The following PCDH11Y variants were observed in gnomAD, a reference collection of about 807,000 sequenced individuals.
PCDH11Y encodes the protein protocadherin 11 Y-linked.
For synonymous variants in PCDH11Y, 9 were observed against 83.6 expected, an observed-to-expected ratio of 0.11 and a Z score of 4.87; for missense variants, 12 against 224.8, an observed-to-expected ratio of 0.05 and a Z score of 6.05.
chrY:5,305,670 G>A, intron 2 of PCDH11Y, among the ~76,000 whole-genome samples: 2 of 32,715 alleles, frequency 6.1e-5, no homozygotes, highest in Non-Finnish European at 1.5e-4. Context: ...GCATACTTTG[G>A]AGCAGTGTGT....
chrY:5,694,142 C>T, intron 4 of PCDH11Y, among the ~76,000 whole-genome samples: 1 of 32,453 alleles, frequency 3.1e-5, no homozygotes, highest in African/African-American at 1.2e-4. Flanking sequence ...CTCAAACATA[C>T]GGTAATGCTA....
At chrY:5,670,387 T>A in intron 4 of PCDH11Y, among the ~76,000 whole-genome samples, 2 of 32,722 alleles carry the variant, frequency 6.1e-5, no homozygotes, top group Non-Finnish European at 1.5e-4. Context: ...AACTCCAAAC[T>A]GTTCTCTAGA....
intron 4 of PCDH11Y, among the ~76,000 whole-genome samples, chrY:5,706,859 C>T: frequency 3.2e-5 from 1 of 30,935 alleles, no homozygotes; most frequent in South Asian, 7.6e-4. Context: ...CTGTATATTC[C>T]ATCTTCTCAG....
chrY:5,323,801 C>T, intron 2 of PCDH11Y, among the ~76,000 whole-genome samples: 1 of 33,005 alleles, frequency 3.0e-5, no homozygotes, highest in Non-Finnish European at 7.4e-5. Context: ...TCTGTATTTG[C>T]GTGGAAATGA....
intron 2 of PCDH11Y, among the ~76,000 whole-genome samples, chrY:5,391,334 C>A (rs1257011923): frequency 1.6e-3 from 45 of 27,908 alleles, no homozygotes; most frequent in Admixed American, 3.6e-3. Flanking sequence ...CCATTTATAT[C>A]ATCTAAGCAA....
At chrY:5,414,128 G>C in intron 2 of PCDH11Y, among the ~76,000 whole-genome samples, 1 of 30,817 alleles carries the variant, frequency 3.2e-5, no homozygotes, top group Admixed American at 3.1e-4. Context: ...TTTCTTTTCT[G>C]ATAGCTTTGT....
intron 4 of PCDH11Y, among the ~76,000 whole-genome samples, chrY:5,677,298 G>A: frequency 3.0e-5 from 1 of 33,191 alleles, no homozygotes; most frequent in Non-Finnish European, 7.4e-5. Flanking sequence ...CTCTCCCACA[G>A]CATATGGAGA....
At chrY:5,019,266 CG>C (rs1569474182) in intron 1 of PCDH11Y, 1 of 32,982 alleles carries the variant, frequency 3.0e-5, no homozygotes, top group East Asian at 8.2e-4. Flanking sequence ...GTGTTCCCCT[CG>C]GGGGTTAAAA....
intron 3 of PCDH11Y, among the ~76,000 whole-genome samples, chrY:5,511,474 G>C: frequency 3.0e-5 from 1 of 33,388 alleles, no homozygotes; most frequent in Non-Finnish European, 7.4e-5. Context: ...AACAAAGTGA[G>C]CCCAATTCAA....
At chrY:5,285,265 G>A in intron 2 of PCDH11Y, among the ~76,000 whole-genome samples, 1 of 31,634 alleles carries the variant, frequency 3.2e-5, no homozygotes, top group Non-Finnish European at 7.7e-5. Context: ...AGTATTCCAT[G>A]GTGAATGTGT....
intron 1 of PCDH11Y, among the ~76,000 whole-genome samples, chrY:5,012,928 C>G (rs2052554641): frequency 1.6e-3 from 43 of 27,588 alleles, no homozygotes; most frequent in Non-Finnish European, 3.4e-3. Flanking sequence ...CGGCTCACTG[C>G]AAGCTCCGCC....
upstream of PCDH11Y, among the ~76,000 whole-genome samples, chrY:5,052,263 A>C: frequency 3.0e-5 from 1 of 33,633 alleles, no homozygotes; most frequent in Non-Finnish European, 7.4e-5. Flanking sequence ...TAGAAATTGT[A>C]CAAAAATTGT....
intron 2 of PCDH11Y, among the ~76,000 whole-genome samples, chrY:5,266,333 G>A: frequency 3.1e-5 from 1 of 32,624 alleles, no homozygotes; most frequent in African/African-American, 1.2e-4. Context: ...TCAGGAGTTC[G>A]AGAGCAGCCT....
chrY:5,090,883 A>T, intron 1 of PCDH11Y, among the ~76,000 whole-genome samples: 1 of 33,035 alleles, frequency 3.0e-5, no homozygotes, highest in South Asian at 6.6e-4. Context: ...TGTCCTTTTC[A>T]TAAGAGGAGA....
At chrY:5,359,753 G>A (rs2053172667) in intron 2 of PCDH11Y, among the ~76,000 whole-genome samples, 2 of 32,619 alleles carry the variant, frequency 6.1e-5, no homozygotes, top group African/African-American at 2.4e-4. Context: ...ATTTTACTAT[G>A]AACTAATGAA....
intron 2 of PCDH11Y, among the ~76,000 whole-genome samples, chrY:5,469,926 C>G (rs1368453108): frequency 5.6e-5 from 2 of 35,631 alleles, no homozygotes; most frequent in Non-Finnish European, 7.2e-5. Flanking sequence ...GATGTTGAAT[C>G]TGTGCATTCA....
chrY:5,613,028 G>T, intron 4 of PCDH11Y, among the ~76,000 whole-genome samples: 1 of 30,370 alleles, frequency 3.3e-5, no homozygotes, highest in Non-Finnish European at 7.8e-5. Flanking sequence ...ACCATGCCAG[G>T]CTAATTTTTT....
chrY:5,503,685 CGTGT>C (rs1361412141), intron 3 of PCDH11Y, among the ~76,000 whole-genome samples: 2 of 29,577 alleles, frequency 6.8e-5, no homozygotes, highest in Admixed American at 3.2e-4. Flanking sequence ...TAACATAGTA[CGTGT>C]GTGTGTGTGT....
intron 3 of PCDH11Y, among the ~76,000 whole-genome samples, chrY:5,525,029 T>G: frequency 1.2e-4 from 3 of 24,028 alleles, no homozygotes; most frequent in East Asian, 2.2e-3. Context: ...TGCACTTTTT[T>G]TAAAGGGCAG....
Sources: allele counts gnomAD v4.1 joint callset (sites outside exome capture counted in the v4.1 genomes callset), GRCh38; gene constraint gnomAD v4.1.1; transcripts MANE v1.5; gene names NCBI Gene and HGNC (gene_info 2026-07-23, HGNC 2026-07-21).